The following SSPN variants were observed in gnomAD, a reference collection of about 807,000 sequenced individuals.
The protein encoded by SSPN is K-ras oncogene-associated protein.
SSPN carries 15 observed loss-of-function variants against 19.1 expected under a neutral mutation model. That is an observed-to-expected ratio of 0.78 (90% confidence interval 0.52 to 1.21). SSPN has a LOEUF of 1.21. SSPN is among the 50% of genes most tolerant of loss of function. SSPN has a pLI of 0.00. For missense variants in SSPN, 291 were observed against 314.0 expected, an observed-to-expected ratio of 0.93 and a Z score of 0.55; for synonymous variants, 147 against 140.3, an observed-to-expected ratio of 1.05 and a Z score of -0.34.
At chr12:26,126,194 C>G (rs1286328242) in intron 1 of SSPN, 2 of 152,250 alleles carry the variant, frequency 1.3e-5, no homozygotes, top group Non-Finnish European at 2.9e-5. Flanking sequence ...CAGAGCCACC[C>G]TGGGAGCATG....
rs1469997580 is a variant in SSPN, at chr12:26,201,021, ATATATATATATATATATATATATAT to A, written c.279+5084_279+5108del. Reference sequence around the variant, plus strand: ...AAGAAGTTAATTTGTGTATATATATATATATATATATATATATATATATATTATATATATATATTTGGAAATAAAA... The same window carrying A: ...AAGAAGTTAATTTGTGTATATATATATATATATATATATTTGGAAATAAAA... On this transcript the variant is annotated intron_variant, in intron 1 of 2. Transcript: ENST00000242729. 6.9e-3 allele frequency among the ~76,000 whole-genome samples: 301 copies of A among 43,748 alleles called. 11 individuals carry two copies. The highest frequency in any genetic ancestry group is 0.035 in the African/African-American group (252 of 7,158). The allele number at this position is 43,748 out of a possible 152,430, so 28.7% of individuals were successfully genotyped here.
At chr12:26,167,529 C>G (rs1944628559) in intron 1 of SSPN, among the ~76,000 whole-genome samples, 1 of 152,134 alleles carries the variant, frequency 6.6e-6, no homozygotes, top group South Asian at 2.1e-4. Flanking sequence ...AGCAGGCTTC[C>G]CTTTACAATC....
intron 1 of SSPN, chr12:26,179,938 T>G (rs1329044017): frequency 6.8e-6 from 1 of 146,100 alleles, no homozygotes; most frequent in African/African-American, 2.5e-5. Context: ...TTTTTTTTTT[T>G]TTTTTGCAGG....
chr12:26,206,116 G>C (rs922321327), intron 1 of SSPN, among the ~76,000 whole-genome samples: 3 of 152,122 alleles, frequency 2.0e-5, no homozygotes, highest in Non-Finnish European at 4.4e-5. Context: ...CTGAAGCTTT[G>C]CTCCCCTTCT....
intron 1 of SSPN, among the ~76,000 whole-genome samples, chr12:26,161,598 AGC>A (rs1944589299): frequency 6.6e-6 from 1 of 152,150 alleles, no homozygotes; most frequent in Non-Finnish European, 1.5e-5. Context: ...ATTTATTGTT[AGC>A]ATCCCCAAAT....
intron 1 of SSPN, among the ~76,000 whole-genome samples, chr12:26,140,356 A>C (rs978530400): frequency 6.6e-6 from 1 of 152,128 alleles, no homozygotes; most frequent in African/African-American, 2.4e-5. Flanking sequence ...AATTTTCTAC[A>C]TTGAACCTAT....
chr12:26,155,413 C>T (rs537512551), intron 1 of SSPN, among the ~76,000 whole-genome samples: 297 of 152,176 alleles, frequency 2.0e-3, no homozygotes, highest in African/African-American at 7.0e-3. Flanking sequence ...AGGAAAAGAG[C>T]GAAAGATCAT....
chr12:26,208,665 T>G (rs1338107509), intron 1 of SSPN, among the ~76,000 whole-genome samples: 1 of 152,132 alleles, frequency 6.6e-6, no homozygotes, highest in Non-Finnish European at 1.5e-5. Flanking sequence ...TAAAAATATT[T>G]TTCTATACCA....
chr12:26,162,591 A>T (rs1944595973), intron 1 of SSPN, among the ~76,000 whole-genome samples: 1 of 152,238 alleles, frequency 6.6e-6, no homozygotes, highest in African/African-American at 2.4e-5. Context: ...CCGCTCCAAT[A>T]TCATTTTCAC....
chr12:26,223,667 C>T (rs1162828646), intron 1 of SSPN, among the ~76,000 whole-genome samples: 1 of 152,136 alleles, frequency 6.6e-6, no homozygotes, highest in Non-Finnish European at 1.5e-5. Flanking sequence ...CCTTTTCTTT[C>T]TTACTTACAA....
chr12:26,171,927 G>T (rs1297751012), intron 1 of SSPN, among the ~76,000 whole-genome samples: 1 of 152,186 alleles, frequency 6.6e-6, no homozygotes, highest in Non-Finnish European at 1.5e-5. Context: ...CTGTGATGTA[G>T]GGGAAGCCAT....
At chr12:26,142,666 A>G (rs1360540931) in intron 1 of SSPN, among the ~76,000 whole-genome samples, 1 of 152,220 alleles carries the variant, frequency 6.6e-6, no homozygotes, top group African/African-American at 2.4e-5. Flanking sequence ...TCTGGAATGA[A>G]TGGAATATGT....
At chr12:26,126,977 G>C (rs1294813714) in intron 1 of SSPN, among the ~76,000 whole-genome samples, 1 of 152,088 alleles carries the variant, frequency 6.6e-6, no homozygotes, top group East Asian at 1.9e-4. Context: ...CGATGGGGAG[G>C]GCACGTTGGA....
rs202148573 is a variant in SSPN at position 26,124,719 on chromosome 12, C to G, written c.-31+2567C>G. The G allele has an allele frequency of 5.0e-6, 8 of 1,614,060 alleles. No individual in the cohort carries two copies. The African/African-American group carries it at 1.1e-4, about 22-fold the overall frequency. ...TTCGCAAGGGTGCGTGCACCTTACC[C>G]TATAAAATCTCTATGTTCCAGTAAC... On this transcript the variant is annotated intron_variant, in intron 1 of 2. Coordinates refer to the SSPN transcript ENST00000538142.
rs942589828 is a variant in SSPN, at chr12:26,122,282, CGCGGCGGCGGCGGCGGCA to C, written c.-31+145_-31+162del. 151 of 1,202,368 alleles carry C rather than the reference CGCGGCGGCGGCGGCGGCA, an allele frequency of 1.3e-4. 1 individual carries two copies. Among genetic ancestry groups the C allele is most frequent in the South Asian group, 5.4e-4 (13 of 24,048 alleles). The allele number at this position is 1,202,368 out of a possible 1,614,324, so 74.5% of individuals were successfully genotyped here. ...ACAACACCGAGGACAGGCAGGGGAA[CGCGGCGGCGGCGGCGGCA>C]GCGGCGGCGGCGGCTGCCGCGGCTG... On this transcript the variant is annotated intron_variant, in intron 1 of 2. Transcript: ENST00000538142.
At chr12:26,137,636 G>GTATATATATATATATATATA (rs35349803) in intron 1 of SSPN, among the ~76,000 whole-genome samples, 10 of 31,376 alleles carry the variant, frequency 3.2e-4, no homozygotes, top group East Asian at 1.2e-3. Flanking sequence ...GTGTGTGTAT[G>GTATATATATATATATATATA]TATATATATA....
At position 26,195,643 on chromosome 12, in the gene SSPN, A is replaced by ATCC; in HGVS notation, c.-30_-29insTCC. 4.1e-6 allele frequency: 1 copy of ATCC among 242,024 alleles called. No homozygotes were observed. The allele number at this position is 242,024 out of a possible 1,614,324, so 15.0% of individuals were successfully genotyped here. A position where few individuals can be genotyped will look rare whatever the true frequency, so the allele number is the denominator to read the frequency against. Reference sequence around the variant, plus strand: ...CCAGGGCCCAGGGCGCCGCACACGCACCCACCCACCCACCCAGCCTCGCAG... The same window carrying ATCC: ...CCAGGGCCCAGGGCGCCGCACACGCATCCCCCACCCACCCACCCAGCCTCGCAG... On this transcript the variant is annotated 5_prime_UTR_variant, in exon 1 of 3. Transcript: ENST00000242729.
intron 1 of SSPN, among the ~76,000 whole-genome samples, chr12:26,132,086 A>G (rs766711276): frequency 1.4e-4 from 21 of 152,186 alleles, no homozygotes; most frequent in African/African-American, 3.4e-4. Context: ...GATGAGGAAG[A>G]TGGTAGGAGG....
At chr12:26,217,771 A>C (rs1315412550) in intron 1 of SSPN, among the ~76,000 whole-genome samples, 1 of 151,178 alleles carries the variant, frequency 6.6e-6, no homozygotes, top group African/African-American at 2.4e-5. Context: ...ATTTATTGAG[A>C]GTTTTTAGCA....
Sources: gnomAD v4.1 joint callset for allele counts (sites outside exome capture counted in the v4.1 genomes callset) on GRCh38, gnomAD v4.1.1 for gene constraint, MANE v1.5 for transcripts, NCBI Gene and HGNC (gene_info 2026-07-23, HGNC 2026-07-21) for gene names.